MAPK8IP3: variants seen among roughly 807,000 people sequenced by gnomAD.
The protein encoded by MAPK8IP3 is C-Jun-amino-terminal kinase-interacting protein 3.
Under a neutral mutation model 157.8 loss-of-function variants are expected in MAPK8IP3, and 49 were observed. That is an observed-to-expected ratio of 0.31 (90% CI 0.25 to 0.39). The LOEUF (loss-of-function observed/expected upper bound fraction) is 0.39, where lower values mean the gene tolerates loss of function less well. MAPK8IP3 is among the 10% of genes least tolerant of loss of function. The pLI is 1.00. For missense variants in MAPK8IP3, 1,478 were observed against 1,889.4 expected (o/e 0.78, Z 4.04); for synonymous variants, 897 against 777.7 (o/e 1.15, Z -2.55).
Position 1,762,848 on chromosome 16 carries a change from C to A in MAPK8IP3, c.1740C>A (p.Leu580=). Residue 580 remains leucine, a synonymous_variant, in exon 16 of 32, where the codon CTC becomes CTA. Coordinates refer to ENST00000610761, the MANE Select transcript of MAPK8IP3 (RefSeq NM_001318852.2). ...GTGCCTCTGGCAGCTTCAGCCGCCTCTTCAGCTCTTCCTCCAGCCCCCCTC... is the reference window on the plus strand; with the variant it reads ...GTGCCTCTGGCAGCTTCAGCCGCCTATTCAGCTCTTCCTCCAGCCCCCCTC... ...KSTIWQFFSR[L]FSSSSSPPPA... The A allele has an allele frequency of 6.2e-7, 1 of 1,612,690 alleles. No homozygotes were observed. The highest frequency in any genetic ancestry group is 2.2e-5 in the East Asian group (1 of 44,862).
chr16:1,758,308 C>T (rs976839990), intron 9 of MAPK8IP3, 149 bp downstream of exon 9: 14 of 849,574 alleles, frequency 1.6e-5, no homozygotes, highest in Admixed American at 2.4e-5. Flanking sequence ...CAGCCACCGC[C>T]GCTCGGAAGC....
chr16:1,735,287 C>T (rs375915396), intron 4 of MAPK8IP3, among the ~76,000 whole-genome samples: 63 of 143,818 alleles, frequency 4.4e-4, no homozygotes, highest in Middle Eastern at 4.5e-3. Context: ...TGTGAGTGTG[C>T]GACGGTCCAT....
At chr16:1,761,715 C>T (rs998811306) in intron 13 of MAPK8IP3, among the ~76,000 whole-genome samples, 10 of 152,028 alleles carry the variant, frequency 6.6e-5, no homozygotes, top group African/African-American at 1.5e-4. Flanking sequence ...CCAGGCGGGG[C>T]GGCCACTGTT....
At chr16:1,738,459 T>G (rs1205387636) in intron 4 of MAPK8IP3, among the ~76,000 whole-genome samples, 2 of 116,030 alleles carry the variant, frequency 1.7e-5, no homozygotes, top group Non-Finnish European at 3.4e-5. Context: ...TGAGCATGTG[T>G]GACCGTCCGT....
chr16:1,748,155 A>T (rs2041082967), intron 6 of MAPK8IP3, 89 bp from the exon 7 acceptor site: 1 of 965,344 alleles, frequency 1.0e-6, no homozygotes, highest in Non-Finnish European at 1.7e-6. Context: ...GCTCCAGCCC[A>T]CCAGACTCAG....
chr16:1,706,769 G>A lies in MAPK8IP3; in HGVS notation c.318+112G>A. 8.4e-7 allele frequency: 1 copy of A among 1,190,086 alleles called. No individual in the cohort carries two copies. The highest frequency in any genetic ancestry group is 1.1e-6 in the Non-Finnish European group (1 of 913,478). 73.7% of individuals were successfully genotyped at this position (1,190,086 alleles called of 1,614,324 possible). ...AGACCCCGCTCCGGCACCCCGGACC[G>A]CGGGACCCCTGGACCCCCAGACCCC... is the stretch of plus-strand genomic sequence containing the variant. On this transcript the variant is annotated intron_variant, in intron 1 of 31. Coordinates refer to ENST00000610761, the MANE Select transcript of MAPK8IP3 (RefSeq NM_001318852.2). This position sits in a 1 kb window ranked among gnomAD's most constrained non-coding sequence, Gnocchi z 5.1.
chr16:1,737,636 G>C (rs1357345246), intron 4 of MAPK8IP3, among the ~76,000 whole-genome samples: 1 of 90,830 alleles, frequency 1.1e-5, no homozygotes, highest in African/African-American at 4.5e-5. Flanking sequence ...ATCCATGTGA[G>C]CATCCGTGTG....
intron 8 of MAPK8IP3, chr16:1,752,386 G>T: frequency 3.9e-6 from 1 of 259,344 alleles, no homozygotes; most frequent in South Asian, 3.0e-5. Context: ...GGCACGACAG[G>T]CTGCTCTTGG....
intron 8 of MAPK8IP3, among the ~76,000 whole-genome samples, chr16:1,754,736 A>C (rs2041495002): frequency 6.7e-6 from 1 of 150,216 alleles, no homozygotes; most frequent in Admixed American, 6.7e-5. Context: ...ATGCCACTGC[A>C]CTCCAGAGCG....
rs771003156 is a variant in MAPK8IP3, at chr16:1,758,983, G to C, written c.1234G>C (p.Asp412His). ...GGACGGGGACGGCTCCCTAGTGCGC[G>C]ATGATTTCTTTGGTAAGGCTGAGGC... ...ADLLGEFSVR[D>H]DFFGMGKEVG... The change falls in exon 10 of 32, where the codon GAT becomes CAT. Residue 412 changes from aspartate (D) to histidine (H), a missense_variant. Asp to His is a moderately conservative substitution (Grantham distance 81). Transcript: ENST00000610761. The C allele has an allele frequency of 6.2e-7, 1 of 1,614,152 alleles. No individual in the cohort carries two copies. Among genetic ancestry groups the C allele is most frequent in the African/African-American group, 1.3e-5 (1 of 75,056 alleles).
intron 1 of MAPK8IP3, chr16:1,714,299 G>C (rs542929898): frequency 1.4e-5 from 2 of 146,700 alleles, no homozygotes; most frequent in African/African-American, 5.5e-5. Context: ...TCTGGGGCAG[G>C]CTGGCAGTGA....
intron 8 of MAPK8IP3, among the ~76,000 whole-genome samples, chr16:1,753,744 C>T (rs541539098): frequency 4.0e-5 from 6 of 151,156 alleles, no homozygotes; most frequent in Non-Finnish European, 7.4e-5. Context: ...CCCAGCCCCA[C>T]GTACCATTAT....
chr16:1,718,232 T>C (rs949111070), intron 1 of MAPK8IP3, among the ~76,000 whole-genome samples: 20 of 150,968 alleles, frequency 1.3e-4, no homozygotes, highest in Non-Finnish European at 2.7e-4. Context: ...TCACTCGGGC[T>C]GGAGTGCAAT....
chr16:1,760,024 G>A lies in MAPK8IP3; in HGVS notation c.1304+9G>A. On this transcript the variant is annotated intron_variant, in intron 11 of 31. Transcript: ENST00000610761. ...CAGCTTCTGGAAACCAAGTAAGAGT[G>A]CCCTTCTCCTGTGTGGTGGGGCTGA... The A allele has an allele frequency of 6.2e-7, 1 of 1,614,110 alleles. No individual in the cohort carries two copies. Among genetic ancestry groups the A allele is most frequent in the Non-Finnish European group, 8.5e-7 (1 of 1,179,982 alleles).
Position 1,768,583 on chromosome 16 carries a change from G to C in MAPK8IP3, c.3849G>C (p.Val1283=). ...TCGAGGGCCAGAAGCTGCGGAACGTGCTGGTGCTGAGCGGCGGGGAGGGCT... is the reference window on the plus strand; with the variant it reads ...TCGAGGGCCAGAAGCTGCGGAACGTCCTGGTGCTGAGCGGCGGGGAGGGCT... ...SEVEGQKLRN[V]LVLSGGEGYI... Residue 1283 remains valine, a synonymous_variant, in exon 31 of 32, where the codon GTG becomes GTC. Transcript: ENST00000610761. The C allele has an allele frequency of 1.3e-6, 2 of 1,593,574 alleles. No individual in the cohort carries two copies. The highest frequency in any genetic ancestry group is 4.5e-5 in the East Asian group (2 of 44,024).
At chr16:1,711,014 C>T (rs1030492076) in intron 1 of MAPK8IP3, among the ~76,000 whole-genome samples, 2 of 152,232 alleles carry the variant, frequency 1.3e-5, no homozygotes, top group Non-Finnish European at 2.9e-5. Flanking sequence ...GCAGCCTGCC[C>T]CTCTGCCGCT....
At chr16:1,733,562 C>T (rs115311116) in intron 4 of MAPK8IP3, among the ~76,000 whole-genome samples, 2,827 of 152,334 alleles carry the variant, frequency 0.019, 98 homozygotes, top group African/African-American at 0.064. Context: ...GAAGGTGGCC[C>T]AGGAACCTGC....
chr16:1,721,443 C>CT (rs542082140), intron 1 of MAPK8IP3, among the ~76,000 whole-genome samples: 15 of 151,304 alleles, frequency 9.9e-5, no homozygotes, highest in Middle Eastern at 3.4e-3. Context: ...TCTACAAAAC[C>CT]TTTTTTTTTA....
intron 8 of MAPK8IP3, among the ~76,000 whole-genome samples, chr16:1,750,832 G>C (rs1274636573): frequency 6.6e-6 from 1 of 151,960 alleles, no homozygotes; most frequent in African/African-American, 2.4e-5. Context: ...TTTTAGTAGA[G>C]ATGGGGTTTC....
Sources: allele counts gnomAD v4.1 joint callset (sites outside exome capture counted in the v4.1 genomes callset), GRCh38; gene constraint gnomAD v4.1.1; non-coding constraint Gnocchi (gnomAD v3.1); transcripts MANE v1.5; gene names NCBI Gene and HGNC (gene_info 2026-07-23, HGNC 2026-07-21).